ATP10D: variants seen among roughly 807,000 people sequenced by gnomAD.
The protein encoded by ATP10D is ATPase phospholipid transporting 10D (putative).
In ATP10D, 89 loss-of-function variants were observed where a neutral mutation model predicts 144.8. The ratio of observed to expected loss-of-function variants is 0.61; its 90% confidence interval spans 0.52 to 0.73. The LOEUF is 0.73. Among genes scored for constraint, ATP10D ranks in the 30% least tolerant of loss-of-function variants. The pLI is 0.00. For missense variants in ATP10D, 1,603 were observed against 1,714.8 expected, an observed-to-expected ratio of 0.93 and a Z score of 1.15; for synonymous variants, 571 against 615.1, an observed-to-expected ratio of 0.93 and a Z score of 1.06.
chr4:47,542,800 A>G (rs565240496), intron 9 of ATP10D, among the ~76,000 whole-genome samples: 4 of 152,256 alleles, frequency 2.6e-5, no homozygotes, highest in East Asian at 3.9e-4. Flanking sequence ...CATAGCTTCC[A>G]CAAAATGATT....
In ATP10D at chr4:47,554,984, A is replaced by G; in HGVS notation, c.1824+70A>G. On this transcript the variant is annotated intron_variant, in intron 11 of 22. Coordinates refer to ENST00000273859, the MANE Select transcript of ATP10D (RefSeq NM_020453.4). ...GAATTTTGGGTTTAAATGTATCTGT[A>G]CTGAGCTTGATATATGGATAAAAAT... 8.6e-6 allele frequency: 11 copies of G among 1,280,124 alleles called. No homozygotes were observed. In the South Asian group the frequency reaches 1.5e-4, roughly 17 times the overall value. 79.3% of individuals were successfully genotyped at this position (1,280,124 alleles called of 1,614,324 possible).
rs574538705 is a variant in ATP10D at position 47,591,520 on chromosome 4, G to A, written c.*139G>A. ...AGGCTTGGAAGAGCTGACATGATGA[G>A]CATTATTGTATGTTTGTATATACAT... On this transcript the variant is annotated 3_prime_UTR_variant, in exon 23 of 23. Transcript: ENST00000273859. The A allele has an allele frequency of 6.0e-6, 4 of 663,708 alleles. No individual in the cohort carries two copies. Among genetic ancestry groups the A allele is most frequent in the East Asian group, 2.8e-5 (1 of 36,346 alleles). 41.1% of individuals were successfully genotyped at this position (663,708 alleles called of 1,614,324 possible).
intron 22 of ATP10D, among the ~76,000 whole-genome samples, chr4:47,589,697 G>A (rs1412152721): frequency 5.9e-5 from 9 of 152,074 alleles, no homozygotes; most frequent in Non-Finnish European, 1.5e-5. Context: ...TCTGATCCCA[G>A]AAGGAAAGGT....
Position 47,592,587 on chromosome 4 carries a change from T to G in ATP10D, c.*1206T>G, listed in dbSNP as rs1009107110. On this transcript the variant is annotated 3_prime_UTR_variant, in exon 23 of 23. Transcript: ENST00000273859. ...GTTCTTTTGAAGTCCTATCTCTATT[T>G]ATTATATTTGAAAGTTGTCAGCCAC... 6.6e-6 allele frequency: 1 copy of G among 152,508 alleles called. No homozygotes were observed. The highest frequency in any genetic ancestry group is 1.5e-5 in the Non-Finnish European group (1 of 67,982). 9.4% of individuals were successfully genotyped at this position (152,508 alleles called of 1,614,324 possible).
At chr4:47,565,502 C>G (rs1017569608) in intron 15 of ATP10D, among the ~76,000 whole-genome samples, 1 of 152,148 alleles carries the variant, frequency 6.6e-6, no homozygotes. Flanking sequence ...TGGCCTGCCG[C>G]TGACTGAGTA....
chr4:47,539,539 A>G (rs754836007), intron 9 of ATP10D, among the ~76,000 whole-genome samples: 11 of 152,284 alleles, frequency 7.2e-5, no homozygotes, highest in Non-Finnish European at 1.3e-4. Flanking sequence ...ACGCACACAC[A>G]TTTATGTTTT....
intron 2 of ATP10D, among the ~76,000 whole-genome samples, chr4:47,515,258 G>A (rs1716570533): frequency 6.6e-6 from 1 of 152,098 alleles, no homozygotes; most frequent in Non-Finnish European, 1.5e-5. Flanking sequence ...ACCACACCCA[G>A]CCCTGATATC....
At chr4:47,569,853 T>C (rs1341876643) in intron 16 of ATP10D, among the ~76,000 whole-genome samples, 1 of 152,122 alleles carries the variant, frequency 6.6e-6, no homozygotes, top group East Asian at 1.9e-4. Context: ...GAGAAGAACA[T>C]TTCTGGAAGA....
intron 22 of ATP10D, among the ~76,000 whole-genome samples, chr4:47,589,525 G>A (rs1456078676): frequency 6.6e-6 from 1 of 152,036 alleles, no homozygotes; most frequent in Non-Finnish European, 1.5e-5. Flanking sequence ...TGTAACCAGT[G>A]ATCTTGATAG....
intron 18 of ATP10D, among the ~76,000 whole-genome samples, chr4:47,575,748 G>A (rs1720192062): frequency 6.6e-6 from 1 of 152,086 alleles, no homozygotes; most frequent in Non-Finnish European, 1.5e-5. Flanking sequence ...CTGTAACAAA[G>A]TACCACAGAC....
At position 47,507,962 on chromosome 4, in the gene ATP10D, G is replaced by A. The variant is rs577679629; in HGVS notation, c.-37-4542G>A. Among the ~76,000 whole-genome samples, 237 of 152,270 alleles carry A rather than the reference G, an allele frequency of 1.6e-3. 1 individual carries two copies. Among genetic ancestry groups the A allele is most frequent in the African/African-American group, 5.4e-3 (223 of 41,554 alleles). On this transcript the variant is annotated intron_variant, in intron 1 of 22. Transcript: ENST00000273859. ...GGCAGCATTTGGAGAGGTGCAAAGT[G>A]TACACTATGCTTTGCAACCTCCTTA...
chr4:47,568,805 G>A (rs751513085), intron 15 of ATP10D, 32 bp from the exon 16 acceptor site: 1 of 1,580,964 alleles, frequency 6.3e-7, no homozygotes. Flanking sequence ...AAGGGCGCCT[G>A]GAGGCTAACC....
At chr4:47,565,069 C>A (rs1208128378) in intron 15 of ATP10D, among the ~76,000 whole-genome samples, 1 of 152,254 alleles carries the variant, frequency 6.6e-6, no homozygotes, top group African/African-American at 2.4e-5. Context: ...CGCCATTCTC[C>A]TGCCTCAGCC....
chr4:47,559,065 T>A, intron 13 of ATP10D, 36 bp downstream of exon 13: 1 of 1,547,022 alleles, frequency 6.5e-7, no homozygotes, highest in Non-Finnish European at 8.9e-7. Context: ...TTTTTTGTTT[T>A]TTCCCTTGTT....
rs1023931368 is a variant in ATP10D, at chr4:47,519,772, G to C, written c.486-3240G>C. 2.0e-5 allele frequency among the ~76,000 whole-genome samples: 3 copies of C among 152,228 alleles called. No individual in the cohort carries two copies. In the East Asian group the frequency reaches 5.8e-4, roughly 29 times the overall value. ...GCCCTTCCTGTTTGCCCCCATAGTA[G>C]CCTGTAGACAGCTCCCTTTTAGGAA... On this transcript the variant is annotated intron_variant, in intron 3 of 22. Coordinates refer to ENST00000273859, the MANE Select transcript of ATP10D (RefSeq NM_020453.4).
chr4:47,534,442 C>T (rs546439564), intron 5 of ATP10D, among the ~76,000 whole-genome samples: 1 of 152,258 alleles, frequency 6.6e-6, no homozygotes, highest in East Asian at 1.9e-4. Flanking sequence ...TTCACAGATC[C>T]TCTGAAGCCA....
chr4:47,510,392 T>C (rs948397629), intron 1 of ATP10D, among the ~76,000 whole-genome samples: 5 of 151,722 alleles, frequency 3.3e-5, no homozygotes, highest in Non-Finnish European at 5.9e-5. Flanking sequence ...TCCTTGAAAA[T>C]GAAAAGAAGG....
At chr4:47,520,709 C>T (rs1716902853) in intron 3 of ATP10D, among the ~76,000 whole-genome samples, 1 of 152,050 alleles carries the variant, frequency 6.6e-6, no homozygotes. Context: ...GCTGGTATTA[C>T]AGGCATGCAC....
Position 47,584,945 on chromosome 4 carries a change from T to C in ATP10D, c.3754-2074T>C, listed in dbSNP as rs112968633. ...GAGAAAAGAAGAAAATCTAATCTTA[T>C]TTGAAAATTATAGCCCTAGAAAATA... On this transcript the variant is annotated intron_variant, in intron 21 of 22. Coordinates refer to ENST00000273859, the MANE Select transcript of ATP10D (RefSeq NM_020453.4). Among the ~76,000 whole-genome samples the C allele has an allele frequency of 1.9e-3, 293 of 152,254 alleles. 1 individual carries two copies. Among genetic ancestry groups the C allele is most frequent in the African/African-American group, 6.6e-3 (273 of 41,560 alleles).
Sources: gnomAD v4.1 joint callset for allele counts (sites outside exome capture counted in the v4.1 genomes callset) on GRCh38, gnomAD v4.1.1 for gene constraint, MANE v1.5 for transcripts, NCBI Gene and HGNC (gene_info 2026-07-23, HGNC 2026-07-21) for gene names.